The following KLF8 variants were observed in gnomAD, a reference collection of about 807,000 sequenced individuals.
The protein encoded by KLF8 is KLF transcription factor 8, also known as Krueppel-like factor 8.
A neutral mutation model predicts 18.2 loss-of-function variants in KLF8; 10 were observed. That is an observed-to-expected ratio of 0.55 (90% CI 0.34 to 0.93). The LOEUF is 0.93. KLF8 is among the 40% of genes least tolerant of loss of function. The probability of loss-of-function intolerance (pLI) is 0.02; values close to 1 mark genes in which losing one functional copy is unlikely to be tolerated. For synonymous variants in KLF8, 109 were observed against 97.3 expected, an observed-to-expected ratio of 1.12 and a Z score of -0.71; for missense variants, 264 against 277.9, an observed-to-expected ratio of 0.95 and a Z score of 0.36.
At chrX:56,107,476 G>A in the KLF8 span, among the ~76,000 whole-genome samples, 2 of 111,713 alleles carry the variant, frequency 1.8e-5, no homozygotes, top group East Asian at 5.6e-4. Context: ...CGATCTCAGA[G>A]TGCTGTGCTA....
At chrX:56,051,761 C>G in the KLF8 span, among the ~76,000 whole-genome samples, 1 of 107,323 alleles carries the variant, frequency 9.3e-6, no homozygotes, top group Non-Finnish European at 1.9e-5. Flanking sequence ...AGTTGCTCTT[C>G]TCGAGGAGTA....
chrX:56,058,269 CATATATATACAT>C, the KLF8 span, among the ~76,000 whole-genome samples: 319 of 15,959 alleles, frequency 0.02, 20 homozygotes, highest in African/African-American at 0.064. Context: ...CATATATATA[CATATATATACAT>C]ATATATATAT....
At chrX:55,958,269 T>C in the KLF8 span, among the ~76,000 whole-genome samples, 2 of 112,312 alleles carry the variant, frequency 1.8e-5, no homozygotes, top group East Asian at 5.6e-4. Context: ...TCATTTCAGA[T>C]GATGCTATGA....
At chrX:56,183,515 G>A in the KLF8 span, among the ~76,000 whole-genome samples, 1 of 111,367 alleles carries the variant, frequency 9.0e-6, no homozygotes, top group Non-Finnish European at 1.9e-5. Context: ...ACCACAGTTG[G>A]AAATGCAGAA....
the KLF8 span, among the ~76,000 whole-genome samples, chrX:56,202,226 C>T: frequency 9.1e-6 from 1 of 109,802 alleles, no homozygotes; most frequent in African/African-American, 3.3e-5. Context: ...CATTGCATGA[C>T]TAAGTCTTTT....
At chrX:55,994,745 A>G in the KLF8 span, among the ~76,000 whole-genome samples, 1 of 111,668 alleles carries the variant, frequency 9.0e-6, no homozygotes, top group African/African-American at 3.2e-5. Flanking sequence ...AGATCTTGGT[A>G]TTGATTTCTA....
chrX:56,057,288 C>G, the KLF8 span, among the ~76,000 whole-genome samples: 1 of 111,186 alleles, frequency 9.0e-6, no homozygotes, highest in South Asian at 3.8e-4. Flanking sequence ...AAGGGTGGGC[C>G]TTGCTGATTC....
At chrX:56,078,724 T>TACC in the KLF8 span, among the ~76,000 whole-genome samples, 4 of 111,743 alleles carry the variant, frequency 3.6e-5, no homozygotes, top group Non-Finnish European at 7.5e-5. Context: ...ATGGTACCAG[T>TACC]TCCTCCTTGT....
the KLF8 span, among the ~76,000 whole-genome samples, chrX:55,958,598 G>A: frequency 1.8e-5 from 2 of 111,738 alleles, no homozygotes; most frequent in South Asian, 7.5e-4. Context: ...ATAAATGCAT[G>A]GAGATATGCT....
At chrX:55,968,938 T>C in the KLF8 span, among the ~76,000 whole-genome samples, 29 of 111,805 alleles carry the variant, frequency 2.6e-4, no homozygotes, top group Non-Finnish European at 4.9e-4. Context: ...CCCAACACTG[T>C]TGCAATCAGC....
At chrX:56,136,715 C>T in the KLF8 span, among the ~76,000 whole-genome samples, 6 of 111,413 alleles carry the variant, frequency 5.4e-5, no homozygotes, top group East Asian at 2.8e-4. Flanking sequence ...ATGTCTAAAA[C>T]GCCAAAAGCA....
the KLF8 span, among the ~76,000 whole-genome samples, chrX:56,147,954 G>A: frequency 8.9e-6 from 1 of 112,275 alleles, no homozygotes; most frequent in Admixed American, 9.4e-5. Flanking sequence ...CTCCAGCCTG[G>A]GCAACAGAGT....
the KLF8 span, among the ~76,000 whole-genome samples, chrX:56,122,761 T>A: frequency 9.0e-6 from 1 of 110,568 alleles, no homozygotes; most frequent in Non-Finnish European, 1.9e-5. Flanking sequence ...TATATATATT[T>A]CATTTTTAAT....
the KLF8 span, among the ~76,000 whole-genome samples, chrX:56,211,045 T>C: frequency 1.8e-5 from 2 of 111,511 alleles, no homozygotes; most frequent in African/African-American, 6.5e-5. Context: ...GGCCATTTAG[T>C]TCATTTGGAG....
chrX:56,280,293 G>A (rs2147694084), intron 5 of KLF8, among the ~76,000 whole-genome samples: 1 of 111,586 alleles, frequency 9.0e-6, no homozygotes, highest in South Asian at 3.8e-4. Flanking sequence ...GAGTGCAGTA[G>A]CACAATCTCG....
the KLF8 span, among the ~76,000 whole-genome samples, chrX:55,999,977 G>T: frequency 2.7e-5 from 3 of 111,667 alleles, no homozygotes; most frequent in Non-Finnish European, 5.6e-5. Flanking sequence ...TTGTCTGTGG[G>T]TTTGTCATAT....
At chrX:55,989,271 G>T in the KLF8 span, among the ~76,000 whole-genome samples, 4 of 111,992 alleles carry the variant, frequency 3.6e-5, no homozygotes, top group Admixed American at 9.5e-5. Flanking sequence ...GGGCATCCCT[G>T]TCTTGTGCCA....
chrX:56,161,782 T>C, the KLF8 span, among the ~76,000 whole-genome samples: 1 of 112,177 alleles, frequency 8.9e-6, no homozygotes, highest in Admixed American at 9.5e-5. Flanking sequence ...TCAAAGTCAT[T>C]CTCCATCCAA....
the KLF8 span, among the ~76,000 whole-genome samples, chrX:56,070,583 G>A: frequency 1.8e-5 from 2 of 110,779 alleles, no homozygotes; most frequent in Non-Finnish European, 3.8e-5. Flanking sequence ...AACACTACAT[G>A]TTCTCACTCA....
Sources: allele counts gnomAD v4.1 joint callset (sites outside exome capture counted in the v4.1 genomes callset), GRCh38; gene constraint gnomAD v4.1.1; transcripts MANE v1.5; gene names NCBI Gene and HGNC (gene_info 2026-07-23, HGNC 2026-07-21).